SLC24A3: variants seen among roughly 807,000 people sequenced by gnomAD.
SLC24A3 encodes the protein solute carrier family 24 member 3.
SLC24A3 carries 28 observed loss-of-function variants against 75.8 expected under a neutral mutation model. The ratio of observed to expected loss-of-function variants is 0.37; its 90% CI spans 0.27 to 0.51. The LOEUF (loss-of-function observed/expected upper bound fraction) is 0.51, where lower values mean the gene tolerates loss of function less well. SLC24A3 is among the 20% of genes least tolerant of loss of function. The pLI, the probability that SLC24A3 is intolerant of heterozygous loss-of-function variation, is 0.94. For synonymous variants in SLC24A3, 372 were observed against 334.1 expected, an observed-to-expected ratio of 1.11 and a Z score of -1.24; for missense variants, 663 against 847.8, an observed-to-expected ratio of 0.78 and a Z score of 2.71.
chr20:19,271,657 A>G (rs1356333654), intron 1 of SLC24A3, among the ~76,000 whole-genome samples: 5 of 152,262 alleles, frequency 3.3e-5, no homozygotes, highest in Admixed American at 3.3e-4. Flanking sequence ...CCATTCAGCC[A>G]TAAAAGGAAT....
chr20:19,384,517 T>C (rs568831985), intron 2 of SLC24A3, among the ~76,000 whole-genome samples: 1 of 152,380 alleles, frequency 6.6e-6, no homozygotes, highest in East Asian at 1.9e-4. Context: ...TCCTTCTTTT[T>C]TAAGGCTGAA....
intron 2 of SLC24A3, among the ~76,000 whole-genome samples, chr20:19,292,347 T>A (rs577593583): frequency 2.0e-4 from 30 of 152,286 alleles, no homozygotes; most frequent in African/African-American, 7.2e-4. Context: ...TTCTCTGGTT[T>A]TTAGGGCGTG....
intron 2 of SLC24A3, among the ~76,000 whole-genome samples, chr20:19,447,945 G>A (rs1322739421): frequency 6.6e-6 from 1 of 152,240 alleles, no homozygotes; most frequent in Non-Finnish European, 1.5e-5. Context: ...TGAATGTAGG[G>A]TTGGAAGGCA....
rs1459894632 is a variant in SLC24A3, at chr20:19,579,859, G to A, written c.349-141G>A. ...TGGGACCAGGTCACAGGAGAGTGTT[G>A]TGGGCATTGGAAAGACTTGGTATTT... On this transcript the variant is annotated intron_variant, in intron 3 of 16. Coordinates refer to ENST00000328041, the MANE Select transcript of SLC24A3 (RefSeq NM_020689.4). 6 of 642,120 alleles carry A rather than the reference G, an allele frequency of 9.3e-6. No homozygotes were observed. The African/African-American group carries it at 1.1e-4, about 12-fold the overall frequency. 39.8% of individuals were successfully genotyped at this position (642,120 alleles called of 1,614,324 possible).
chr20:19,717,612 C>T lies in SLC24A3; in HGVS notation c.1785+19C>T. Reference sequence around the variant, plus strand: ...TGTCACGGTAGGTTGGCAGCTCTCTCCTCGTACTTGTGTTTGCCTGTTCTT... The same window carrying T: ...TGTCACGGTAGGTTGGCAGCTCTCTTCTCGTACTTGTGTTTGCCTGTTCTT... On this transcript the variant is annotated intron_variant, in intron 16 of 16. Transcript: ENST00000328041. 6.2e-7 allele frequency: 1 copy of T among 1,614,014 alleles called. No individual in the cohort carries two copies.
chr20:19,569,210 G>A (rs1320006170), intron 3 of SLC24A3, among the ~76,000 whole-genome samples: 1 of 152,158 alleles, frequency 6.6e-6, no homozygotes, highest in Non-Finnish European at 1.5e-5. Context: ...GTGTTCTTCT[G>A]CTTCCTCCTC....
intron 2 of SLC24A3, among the ~76,000 whole-genome samples, chr20:19,498,990 G>A (rs1200533593): frequency 6.6e-6 from 1 of 152,202 alleles, no homozygotes; most frequent in Non-Finnish European, 1.5e-5. Context: ...GACTTGGAGA[G>A]GCCAGGGAGC....
At chr20:19,440,291 G>A (rs946567207) in intron 2 of SLC24A3, among the ~76,000 whole-genome samples, 1 of 152,202 alleles carries the variant, frequency 6.6e-6, no homozygotes. Context: ...TAGTTGTCAA[G>A]TTAGGCGCTC....
At chr20:19,355,606 G>C (rs188401029) in intron 2 of SLC24A3, among the ~76,000 whole-genome samples, 2 of 152,302 alleles carry the variant, frequency 1.3e-5, no homozygotes, top group Non-Finnish European at 2.9e-5. Flanking sequence ...CTAACTCCAT[G>C]ACATTTTGGT....
chr20:19,361,067 T>A (rs1358689047), intron 2 of SLC24A3, among the ~76,000 whole-genome samples: 1 of 152,212 alleles, frequency 6.6e-6, no homozygotes, highest in East Asian at 1.9e-4. Context: ...GACCTCGTGA[T>A]CCACCTGCCT....
Position 19,696,747 on chromosome 20 carries a change from G to C in SLC24A3, c.1492-50G>C, listed in dbSNP as rs376937596. The C allele has an allele frequency of 1.8e-5, 23 of 1,307,354 alleles. No individual in the cohort carries two copies. The East Asian group carries it at 3.5e-4, about 20-fold the overall frequency. The allele number at this position is 1,307,354 out of a possible 1,614,324, so 81.0% of individuals were successfully genotyped here. A position where few individuals can be genotyped will look rare whatever the true frequency, so the allele number is the denominator to read the frequency against. ...TCTCCATCAGAAGAATCATGGGCAG[G>C]TGGGGCTTGAGGTGACCCTCAGCTG... On this transcript the variant is annotated intron_variant, in intron 13 of 16. Transcript: ENST00000328041.
chr20:19,720,553 T>TC (rs5840856), intron 16 of SLC24A3, among the ~76,000 whole-genome samples: 113,410 of 151,720 alleles, frequency 0.75, 42,666 homozygotes, highest in East Asian at 0.96. Context: ...GGGAGGAACT[T>TC]CTCACCTCCA....
intron 2 of SLC24A3, among the ~76,000 whole-genome samples, chr20:19,282,763 A>G (rs1239886521): frequency 6.6e-6 from 1 of 152,196 alleles, no homozygotes; most frequent in Non-Finnish European, 1.5e-5. Context: ...CAGAACCAGC[A>G]AGGATGGGGG....
At chr20:19,662,407 C>T (rs1172218011) in intron 7 of SLC24A3, among the ~76,000 whole-genome samples, 1 of 152,260 alleles carries the variant, frequency 6.6e-6, no homozygotes, top group Non-Finnish European at 1.5e-5. Context: ...GGAACACCAC[C>T]TTGCCTCAAG....
intron 1 of SLC24A3, among the ~76,000 whole-genome samples, chr20:19,215,815 A>G (rs1981537788): frequency 6.6e-6 from 1 of 152,212 alleles, no homozygotes. Context: ...AGTTTTGGTT[A>G]TATACTGAAA....
At chr20:19,498,531 A>G (rs542614594) in intron 2 of SLC24A3, among the ~76,000 whole-genome samples, 5 of 151,264 alleles carry the variant, frequency 3.3e-5, no homozygotes, top group African/African-American at 9.7e-5. Context: ...GATTTGCCCT[A>G]TGCAGCCTCA....
intron 2 of SLC24A3, among the ~76,000 whole-genome samples, chr20:19,387,565 T>C (rs1427003105): frequency 6.6e-6 from 1 of 152,236 alleles, no homozygotes; most frequent in Non-Finnish European, 1.5e-5. Context: ...TTCTTTTTGA[T>C]TTCTTCTTTG....
At position 19,478,625 on chromosome 20, in the gene SLC24A3, G is replaced by A. The variant is rs1600246146; in HGVS notation, c.272-36863G>A. 2.6e-5 allele frequency among the ~76,000 whole-genome samples: 4 copies of A among 152,262 alleles called. No homozygotes were observed. The South Asian group carries it at 8.3e-4, about 32-fold the overall frequency. ...CCAGCAGTGTTTCTCAGCCCCTTTT[G>A]GGGGAAGGGTGAGCATTTCCACCAA... On this transcript the variant is annotated intron_variant, in intron 2 of 16. Transcript: ENST00000328041.
chr20:19,548,595 G>A (rs141801622), intron 3 of SLC24A3, among the ~76,000 whole-genome samples: 10 of 152,252 alleles, frequency 6.6e-5, no homozygotes, highest in Admixed American at 2.0e-4. Flanking sequence ...CAAGGCTAAC[G>A]CCAAGGTGTC....
Sources: gnomAD v4.1 joint callset for allele counts (sites outside exome capture counted in the v4.1 genomes callset) on GRCh38, gnomAD v4.1.1 for gene constraint, MANE v1.5 for transcripts, NCBI Gene and HGNC (gene_info 2026-07-23, HGNC 2026-07-21) for gene names.